GPHN: variants seen among roughly 807,000 people sequenced by gnomAD.
GPHN encodes the protein gephyrin.
Under a neutral mutation model 95.5 loss-of-function variants are expected in GPHN, and 17 were observed. The ratio of observed to expected loss-of-function variants is 0.18; its 90% CI spans 0.12 to 0.27. The LOEUF is 0.27. Ranked by LOEUF, GPHN falls within the 10% of genes least tolerant of loss-of-function variation. The pLI is 1.00. For synonymous variants in GPHN, 320 were observed against 322.5 expected, an observed-to-expected ratio of 0.99 and a Z score of 0.08; for missense variants, 660 against 978.1, an observed-to-expected ratio of 0.67 and a Z score of 4.34.
At chr14:66,512,791 T>C (rs746069994) in intron 1 of GPHN, among the ~76,000 whole-genome samples, 19 of 151,810 alleles carry the variant, frequency 1.3e-4, no homozygotes, top group Non-Finnish European at 2.1e-4. Context: ...AACTCTGCAA[T>C]TGTTTAAGCA....
chr14:67,323,636 A>C, the GPHN span: 75 of 434,836 alleles, frequency 1.7e-4, no homozygotes, highest in Middle Eastern at 9.2e-4. Context: ...ATATATATAT[A>C]TCAGTATTAT....
chr14:67,088,927 G>T, intron 11 of GPHN, 56 bp from the exon 12 acceptor site: 1 of 969,352 alleles, frequency 1.0e-6, no homozygotes, highest in Non-Finnish European at 1.7e-6. Flanking sequence ...GTTTATGACT[G>T]CCTGCTTACC....
At chr14:67,622,733 T>C in the GPHN span, among the ~76,000 whole-genome samples, 1 of 152,228 alleles carries the variant, frequency 6.6e-6, no homozygotes, top group South Asian at 2.1e-4. Context: ...CCTGGAGACA[T>C]CTCTGCAGTC....
intron 1 of GPHN, among the ~76,000 whole-genome samples, chr14:66,598,501 G>A (rs1449914424): frequency 6.6e-6 from 1 of 152,060 alleles, no homozygotes; most frequent in Non-Finnish European, 1.5e-5. Flanking sequence ...GCCAAAAGAT[G>A]CACTTGCTTT....
the GPHN span, among the ~76,000 whole-genome samples, chr14:67,581,412 C>T: frequency 6.6e-6 from 1 of 152,080 alleles, no homozygotes; most frequent in Non-Finnish European, 1.5e-5. Flanking sequence ...GTAGTCCCAG[C>T]TACTCAGGGG....
chr14:67,392,656 A>G, the GPHN span: 1 of 1,606,508 alleles, frequency 6.2e-7, no homozygotes, highest in Non-Finnish European at 8.5e-7. Context: ...CCACTCCCCA[A>G]CTTACAAAAG....
chr14:67,305,528 G>A, the GPHN span, among the ~76,000 whole-genome samples: 2 of 152,160 alleles, frequency 1.3e-5, no homozygotes, highest in Non-Finnish European at 2.9e-5. Flanking sequence ...TGGTCCACCC[G>A]CCTCGGCCTC....
the GPHN span, among the ~76,000 whole-genome samples, chr14:67,421,572 C>G: frequency 5.3e-5 from 8 of 152,218 alleles, no homozygotes; most frequent in African/African-American, 1.9e-4. Context: ...CAAGATAACA[C>G]TACCACCATC....
intron 2 of GPHN, among the ~76,000 whole-genome samples, chr14:66,742,539 C>A (rs533000825): frequency 6.6e-6 from 1 of 152,072 alleles, no homozygotes; most frequent in Non-Finnish European, 1.5e-5. Flanking sequence ...ATCCCACCCC[C>A]ATAGTAGAAT....
chr14:66,992,237 G>A (rs1056901614), intron 9 of GPHN, among the ~76,000 whole-genome samples: 3 of 151,966 alleles, frequency 2.0e-5, no homozygotes, highest in African/African-American at 2.4e-5. Flanking sequence ...TAAACAAAAA[G>A]GAATATGGTT....
chr14:67,170,962 C>G (rs2082565944), intron 21 of GPHN, among the ~76,000 whole-genome samples: 1 of 152,180 alleles, frequency 6.6e-6, no homozygotes, highest in Non-Finnish European at 1.5e-5. Flanking sequence ...CCAATGCTTG[C>G]TGCTTTCAGG....
chr14:66,941,695 A>C (rs144887740), intron 8 of GPHN, among the ~76,000 whole-genome samples: 59 of 152,226 alleles, frequency 3.9e-4, no homozygotes, highest in African/African-American at 1.3e-3. Context: ...AAAAAAAAAA[A>C]AACTTGTTTC....
chr14:66,974,741 CTATG>C (rs939174921), intron 9 of GPHN, among the ~76,000 whole-genome samples: 1 of 151,996 alleles, frequency 6.6e-6, no homozygotes, highest in African/African-American at 2.4e-5. Context: ...TAAAATTTTG[CTATG>C]TATCATTCTC....
chr14:66,643,099 A>G (rs552708658), intron 1 of GPHN, among the ~76,000 whole-genome samples: 1 of 152,088 alleles, frequency 6.6e-6, no homozygotes, highest in African/African-American at 2.4e-5. Flanking sequence ...AAAATGAATA[A>G]AAGACTTGAA....
chr14:66,628,144 G>C, intron 1 of GPHN, among the ~76,000 whole-genome samples: 1 of 152,012 alleles, frequency 6.6e-6, no homozygotes, highest in East Asian at 1.9e-4. Flanking sequence ...GTTACTAACA[G>C]CAATTAATTG....
chr14:67,540,625 C>CA, the GPHN span, among the ~76,000 whole-genome samples: 2,115 of 123,090 alleles, frequency 0.017, 32 homozygotes, highest in East Asian at 0.081. Flanking sequence ...GACTCTCCCT[C>CA]AAAAAAAAAA....
At chr14:67,655,637 A>C in the GPHN span, among the ~76,000 whole-genome samples, 2 of 152,182 alleles carry the variant, frequency 1.3e-5, no homozygotes, top group East Asian at 1.9e-4. Context: ...TCTGGAAAAC[A>C]GCCTTGGCTC....
At chr14:66,753,685 A>C (rs2058454306) in intron 2 of GPHN, among the ~76,000 whole-genome samples, 1 of 152,152 alleles carries the variant, frequency 6.6e-6, no homozygotes, top group Non-Finnish European at 1.5e-5. Flanking sequence ...AATAAAACGA[A>C]TATAATTTAT....
At chr14:67,338,380 G>A in the GPHN span, 2 of 434,110 alleles carry the variant, frequency 4.6e-6, no homozygotes, top group East Asian at 7.6e-5. Context: ...GTATGATAAC[G>A]CTTCTGCAAA....
Sources: gnomAD v4.1 joint callset for allele counts (sites outside exome capture counted in the v4.1 genomes callset) on GRCh38, gnomAD v4.1.1 for gene constraint, MANE v1.5 for transcripts, NCBI Gene and HGNC (gene_info 2026-07-23, HGNC 2026-07-21) for gene names.